The following TG variants were observed in gnomAD, a reference collection of about 807,000 sequenced individuals.
TG encodes thyroid hormones.
TG carries 270 observed loss-of-function variants against 324.7 expected under a neutral mutation model. The observed-to-expected ratio is 0.83, with a 90% CI of 0.75 to 0.92. The LOEUF is 0.92. Ranked by LOEUF, TG falls within the 40% of genes least tolerant of loss-of-function variation. The pLI, the probability that TG is intolerant of heterozygous loss-of-function variation, is 0.00. For missense variants in TG, 3,591 were observed against 3,456.4 expected, an observed-to-expected ratio of 1.04 and a Z score of -0.98; for synonymous variants, 1,401 against 1,327.0, an observed-to-expected ratio of 1.06 and a Z score of -1.21.
At chr8:132,986,802 T>C (rs760262599) in intron 35 of TG, among the ~76,000 whole-genome samples, 14 of 152,200 alleles carry the variant, frequency 9.2e-5, no homozygotes, top group Admixed American at 2.0e-4. Context: ...TATTGCCAAA[T>C]TAGTCTCAAA....
At chr8:132,879,564 C>T (rs1197790711) in intron 5 of TG, among the ~76,000 whole-genome samples, 2 of 152,178 alleles carry the variant, frequency 1.3e-5, no homozygotes, top group Non-Finnish European at 2.9e-5. Flanking sequence ...TAGCTCTTCT[C>T]ACTATATACA....
At chr8:133,000,187 G>A (rs139226026) in intron 35 of TG, among the ~76,000 whole-genome samples, 4 of 152,308 alleles carry the variant, frequency 2.6e-5, no homozygotes, top group Non-Finnish European at 4.4e-5. Flanking sequence ...GCAGTTTGCA[G>A]CCATTGGATG....
chr8:132,994,756 G>T (rs538191429), intron 35 of TG: 3 of 1,288,610 alleles, frequency 2.3e-6, no homozygotes, highest in Admixed American at 4.6e-5. Context: ...AGCTGAAGAG[G>T]ATGGAGTGAG....
chr8:132,949,723 A>G (rs953311449), intron 27 of TG, among the ~76,000 whole-genome samples: 3 of 152,194 alleles, frequency 2.0e-5, no homozygotes, highest in Admixed American at 2.0e-4. Flanking sequence ...TTTCTCTTGG[A>G]AGCTCTTTTC....
intron 20 of TG, 123 bp downstream of exon 20, chr8:132,913,388 C>A: frequency 9.6e-7 from 1 of 1,037,634 alleles, no homozygotes; most frequent in Non-Finnish European, 1.5e-6. Flanking sequence ...ATTTAGTTAA[C>A]GAGCAAAAGT....
chr8:132,914,382 T>A (rs1472739508), intron 20 of TG, among the ~76,000 whole-genome samples: 1 of 152,236 alleles, frequency 6.6e-6, no homozygotes, highest in Non-Finnish European at 1.5e-5. Flanking sequence ...TTATTTATGT[T>A]GGTCGCAACA....
chr8:132,890,418 G>A (rs1461059085), intron 10 of TG, among the ~76,000 whole-genome samples: 1 of 152,160 alleles, frequency 6.6e-6, no homozygotes, highest in East Asian at 1.9e-4. Flanking sequence ...GATACTCAAA[G>A]TGTGGTCCAG....
At chr8:132,955,049 G>A (rs980529763) in intron 27 of TG, among the ~76,000 whole-genome samples, 35 of 152,132 alleles carry the variant, frequency 2.3e-4, no homozygotes, top group African/African-American at 8.0e-4. Context: ...CCATCTGCTG[G>A]GAAGGACCCT....
chr8:133,113,664 G>A (rs1485642481), intron 44 of TG, 61 bp downstream of exon 44: 2 of 1,573,210 alleles, frequency 1.3e-6, no homozygotes, highest in East Asian at 4.6e-5. Flanking sequence ...AGACTCAGTT[G>A]GTGTTCAGGT....
At chr8:132,981,696 C>T (rs533907803) in intron 34 of TG, among the ~76,000 whole-genome samples, 1 of 152,344 alleles carries the variant, frequency 6.6e-6, no homozygotes, top group South Asian at 2.1e-4. Flanking sequence ...CAGATCCCAT[C>T]CCAGACCTGC....
At chr8:133,111,194 T>C (rs1850220617) in intron 43 of TG, among the ~76,000 whole-genome samples, 2 of 152,062 alleles carry the variant, frequency 1.3e-5, no homozygotes. Flanking sequence ...TGATGTGGGG[T>C]CCTGCTTAAG....
chr8:132,927,493 G>A (rs892150982), intron 22 of TG, among the ~76,000 whole-genome samples: 4 of 152,176 alleles, frequency 2.6e-5, no homozygotes, highest in African/African-American at 7.2e-5. Context: ...GTAAATAGCC[G>A]TTAAGTATAA....
At chr8:133,106,529 C>T (rs1369284768) in intron 43 of TG, 2 of 907,456 alleles carry the variant, frequency 2.2e-6, no homozygotes, top group African/African-American at 1.8e-5. Context: ...TGGCTTCTCC[C>T]CTGCTCCTCT....
intron 25 of TG, among the ~76,000 whole-genome samples, chr8:132,940,446 C>T (rs959274966): frequency 1.2e-4 from 18 of 152,170 alleles, no homozygotes; most frequent in Non-Finnish European, 1.5e-4. Flanking sequence ...GACTTAGGGA[C>T]GGGAAACCCA....
At chr8:132,870,298 A>G (rs1021697739) in intron 3 of TG, among the ~76,000 whole-genome samples, 3 of 150,944 alleles carry the variant, frequency 2.0e-5, no homozygotes, top group African/African-American at 7.3e-5. Context: ...CCTCAAAATG[A>G]GGAAATTGAG....
At chr8:132,919,640 G>T in intron 21 of TG, 115 bp downstream of exon 21, 3 of 1,460,686 alleles carry the variant, frequency 2.1e-6, no homozygotes, top group Non-Finnish European at 2.8e-6. Flanking sequence ...CTTTGTGCAG[G>T]GTTGGCCTGT....
intron 27 of TG, 114 bp downstream of exon 27, chr8:132,949,057 A>G (rs1315033340): frequency 3.1e-5 from 20 of 647,732 alleles, no homozygotes; most frequent in Admixed American, 1.8e-4. Context: ...TACTTCTGAA[A>G]AAAAAAAAAA....
At chr8:133,122,170 C>A (rs1851196373) in intron 45 of TG, among the ~76,000 whole-genome samples, 1 of 152,070 alleles carries the variant, frequency 6.6e-6, no homozygotes, top group Non-Finnish European at 1.5e-5. Context: ...GTAAACTGAT[C>A]ACAGAATAGT....
chr8:132,967,978 C>G lies in TG; in HGVS notation c.5863+8C>G. 6.2e-7 allele frequency: 1 copy of G among 1,613,048 alleles called. No homozygotes were observed. Among genetic ancestry groups the G allele is most frequent in the Non-Finnish European group, 8.5e-7 (1 of 1,179,674 alleles). On this transcript the variant is annotated splice_region_variant and intron_variant, in intron 31 of 47. Coordinates refer to ENST00000220616, the MANE Select transcript of TG (RefSeq NM_003235.5). ...CCCTGTTCCGGAAGAAAGGTGAGCA[C>G]TTGGAGAGATCTGCATAAACTGTAT... is the stretch of plus-strand genomic sequence containing the variant.
Sources: gnomAD v4.1 joint callset for allele counts (sites outside exome capture counted in the v4.1 genomes callset) on GRCh38, gnomAD v4.1.1 for gene constraint, MANE v1.5 for transcripts, NCBI Gene and HGNC (gene_info 2026-07-23, HGNC 2026-07-21) for gene names.